Variants in IL1RAPL1 observed in about 807,000 individuals in gnomAD.
IL1RAPL1 encodes interleukin-1 receptor accessory protein-like 1.
Under a neutral mutation model 48.4 loss-of-function variants are expected in IL1RAPL1, and 3 were observed. That is an observed-to-expected ratio of 0.06 (90% CI 0.03 to 0.16). The LOEUF (loss-of-function observed/expected upper bound fraction) is 0.16, where lower values mean the gene tolerates loss of function less well. Among genes scored for constraint, IL1RAPL1 ranks in the 10% least tolerant of loss-of-function variants. IL1RAPL1 has a pLI of 1.00. For synonymous variants in IL1RAPL1, 185 were observed against 187.7 expected (o/e 0.99, Z 0.12); for missense variants, 349 against 530.6 (o/e 0.66, Z 3.36).
Position 29,155,320 on chromosome X carries a change from G to T in IL1RAPL1, c.83-127618G>T, listed in dbSNP as rs768460937. On this transcript the variant is annotated intron_variant, in intron 2 of 10. Coordinates refer to ENST00000378993, the MANE Select transcript of IL1RAPL1 (RefSeq NM_014271.4). Reference sequence around the variant, plus strand: ...AGCCACCATGCCTGGTGAAACAAACGTGGTATCTTTTTCATAAGAGGAACT... The same window carrying T: ...AGCCACCATGCCTGGTGAAACAAACTTGGTATCTTTTTCATAAGAGGAACT... Among the ~76,000 whole-genome samples the T allele has an allele frequency of 1.7e-4, 19 of 111,967 alleles. No individual in the cohort carries two copies. In the East Asian group the frequency reaches 4.8e-3, roughly 28 times the overall value.
At chrX:29,683,252 A>G (rs1926514148) in intron 6 of IL1RAPL1, among the ~76,000 whole-genome samples, 1 of 112,155 alleles carries the variant, frequency 8.9e-6, no homozygotes, top group Non-Finnish European at 1.9e-5. Context: ...ATAGATAGAT[A>G]GCTTAACAAA....
chrX:29,681,914 TA>T (rs11392819), intron 6 of IL1RAPL1, among the ~76,000 whole-genome samples: 3 of 105,068 alleles, frequency 2.9e-5, no homozygotes, highest in South Asian at 4.2e-4. Context: ...CTTTGTAAAT[TA>T]AAAAAAAAAA....
chrX:29,675,779 C>T (rs1007357079), intron 6 of IL1RAPL1, among the ~76,000 whole-genome samples: 14 of 110,824 alleles, frequency 1.3e-4, no homozygotes, highest in African/African-American at 4.6e-4. Context: ...TTAGTAGAGA[C>T]GGGGTTTCAC....
chrX:28,712,384 C>G (rs889837631), intron 1 of IL1RAPL1, among the ~76,000 whole-genome samples: 1 of 110,236 alleles, frequency 9.1e-6, no homozygotes, highest in Non-Finnish European at 1.9e-5. Context: ...CTCACTCCAC[C>G]CAATTCCCCG....
chrX:29,434,351 T>A lies in IL1RAPL1; in HGVS notation c.703+35043T>A, dbSNP rs777209667. Among the ~76,000 whole-genome samples, 428 of 110,350 alleles carry A rather than the reference T, an allele frequency of 3.9e-3. 3 individuals carry two copies. Among genetic ancestry groups the A allele is most frequent in the African/African-American group, 0.013 (412 of 30,631 alleles). On this transcript the variant is annotated intron_variant, in intron 5 of 10. Coordinates refer to ENST00000378993, the MANE Select transcript of IL1RAPL1 (RefSeq NM_014271.4). ...AATGAGTCCATGAAGAGATATTTTT[T>A]AAAAAAACAGATTTTATGGAAAGGT...
chrX:29,334,284 C>T (rs1301488187), intron 3 of IL1RAPL1, among the ~76,000 whole-genome samples: 1 of 70,224 alleles, frequency 1.4e-5, no homozygotes, highest in Non-Finnish European at 2.8e-5. Flanking sequence ...CGGGCAGAGG[C>T]GCCCCTCACC....
intron 2 of IL1RAPL1, among the ~76,000 whole-genome samples, chrX:28,907,464 A>G (rs1923247648): frequency 8.9e-6 from 1 of 111,791 alleles, no homozygotes; most frequent in African/African-American, 3.3e-5. Flanking sequence ...CATGTTGACC[A>G]GGGCTGTCTC....
At chrX:29,460,542 A>T (rs1934791025) in intron 5 of IL1RAPL1, among the ~76,000 whole-genome samples, 1 of 112,224 alleles carries the variant, frequency 8.9e-6, no homozygotes. Context: ...GAATACTGAG[A>T]TTTGCCATAC....
chrX:29,738,515 G>A (rs1480142314), intron 6 of IL1RAPL1, among the ~76,000 whole-genome samples: 1 of 94,044 alleles, frequency 1.1e-5, no homozygotes, highest in Non-Finnish European at 2.1e-5. Context: ...GTGTGATCTC[G>A]GCTCACTGCA....
Position 29,122,409 on chromosome X carries a change from T to A in IL1RAPL1, c.83-160529T>A, listed in dbSNP as rs868146739. The stretch of plus-strand genomic sequence containing the variant: ...CTCTCTCTCTCTTTCTCTCTCTCTC[T>A]CACACACACACACACACACACACAC... On this transcript the variant is annotated intron_variant, in intron 2 of 10. Coordinates refer to ENST00000378993, the MANE Select transcript of IL1RAPL1 (RefSeq NM_014271.4). 4.6e-3 allele frequency among the ~76,000 whole-genome samples: 300 copies of A among 64,570 alleles called. 3 individuals carry two copies. The highest frequency in any genetic ancestry group is 0.019 in the African/African-American group (243 of 12,817). The allele number at this position is 64,570 out of a possible 115,157, so 56.1% of individuals were successfully genotyped here.
At chrX:29,664,649 T>TAA (rs1925951838) in intron 5 of IL1RAPL1, among the ~76,000 whole-genome samples, 1 of 111,682 alleles carries the variant, frequency 9.0e-6, no homozygotes, top group African/African-American at 3.3e-5. Context: ...TTAAGAACTT[T>TAA]AAAAAGACTC....
In IL1RAPL1 at chrX:28,943,693, A is replaced by C. The variant is rs751918858; in HGVS notation, c.82+154268A>C. 4.0e-3 allele frequency among the ~76,000 whole-genome samples: 439 copies of C among 110,697 alleles called. 4 individuals carry two copies. The highest frequency in any genetic ancestry group is 0.014 in the African/African-American group (417 of 30,604). On this transcript the variant is annotated intron_variant, in intron 2 of 10. Transcript: ENST00000378993. ...TGGTATTAAGTTTTAATGACAAAAA[A>C]ATGAATCCACTGGGTATAATTAGTA...
intron 5 of IL1RAPL1, among the ~76,000 whole-genome samples, chrX:29,582,649 T>G (rs1443700933): frequency 1.7e-5 from 1 of 60,353 alleles, no homozygotes; most frequent in Non-Finnish European, 3.0e-5. Flanking sequence ...CGGTGTTTGG[T>G]TTTTTGTTCT....
chrX:29,831,839 A>G (rs768735523), intron 6 of IL1RAPL1, among the ~76,000 whole-genome samples: 5 of 111,722 alleles, frequency 4.5e-5, no homozygotes, highest in South Asian at 3.7e-4. Flanking sequence ...ATTTTATATC[A>G]GCCTCTAGGG....
At chrX:28,873,587 A>G (rs1922275928) in intron 2 of IL1RAPL1, among the ~76,000 whole-genome samples, 2 of 88,525 alleles carry the variant, frequency 2.3e-5, no homozygotes, top group South Asian at 5.7e-4. Flanking sequence ...GCTGGAGTGC[A>G]GTGGCTCAAT....
intron 6 of IL1RAPL1, among the ~76,000 whole-genome samples, chrX:29,814,967 C>T (rs1930463528): frequency 9.0e-6 from 1 of 111,307 alleles, no homozygotes; most frequent in African/African-American, 3.3e-5. Context: ...AGTACTGTGC[C>T]ATTTTTGTTA....
At chrX:29,022,084 TC>T (rs1348409425) in intron 2 of IL1RAPL1, among the ~76,000 whole-genome samples, 2 of 111,816 alleles carry the variant, frequency 1.8e-5, no homozygotes, top group Non-Finnish European at 3.8e-5. Context: ...TTCTCCGTAT[TC>T]CATTTGCACC....
chrX:29,165,041 G>A (rs1188288687), intron 2 of IL1RAPL1, among the ~76,000 whole-genome samples: 1 of 112,139 alleles, frequency 8.9e-6, no homozygotes, highest in African/African-American at 3.2e-5. Flanking sequence ...AAACTAGGCC[G>A]AGTGCGGTGG....
At chrX:29,085,950 CATCA>C (rs1206110526) in intron 2 of IL1RAPL1, among the ~76,000 whole-genome samples, 3 of 112,225 alleles carry the variant, frequency 2.7e-5, no homozygotes, top group Non-Finnish European at 5.6e-5. Context: ...TGAGAAAACA[CATCA>C]GTCACTGTGT....
Sources: gnomAD v4.1 joint callset for allele counts (sites outside exome capture counted in the v4.1 genomes callset) on GRCh38, gnomAD v4.1.1 for gene constraint, MANE v1.5 for transcripts, NCBI Gene and HGNC (gene_info 2026-07-23, HGNC 2026-07-21) for gene names.